Variants in TIPIN observed in about 807,000 individuals in gnomAD.
TIPIN encodes TIMELESS interacting protein.
A neutral mutation model predicts 35.6 loss-of-function variants in TIPIN; 29 were observed. The ratio of observed to expected loss-of-function variants is 0.82; its 90% CI spans 0.61 to 1.11. The LOEUF (loss-of-function observed/expected upper bound fraction) is 1.11. TIPIN is among the 50% of genes most tolerant of loss of function. The pLI is 0.00. For synonymous variants in TIPIN, 102 were observed against 121.5 expected (o/e 0.84, Z 1.06); for missense variants, 296 against 345.4 (o/e 0.86, Z 1.13).
At position 66,337,200 on chromosome 15, in the gene TIPIN, T is replaced by C. The variant is rs778580628; in HGVS notation, c.683-19A>G. On this transcript the variant is annotated intron_variant, in intron 7 of 7. Transcript: ENST00000261881. ...AACATATCTGAAAGAAATCATACCA[T>C]TATTATTCATTATAAGTACCTGATC... is the stretch of plus-strand genomic sequence containing the variant. 6.3e-7 allele frequency: 1 copy of C among 1,595,928 alleles called. No homozygotes were observed. Among genetic ancestry groups the C allele is most frequent in the Non-Finnish European group, 8.6e-7 (1 of 1,166,248 alleles).
At chr15:66,354,944 C>CA (rs753069972) in intron 1 of TIPIN, among the ~76,000 whole-genome samples, 1 of 151,052 alleles carries the variant, frequency 6.6e-6, no homozygotes, top group African/African-American at 2.4e-5. Context: ...GACTGTAGCT[C>CA]AAAAAGGGCA....
At chr15:66,337,781 A>AAAAAAAAAAAAAT (rs1566969375) in intron 7 of TIPIN, among the ~76,000 whole-genome samples, 2 of 62,848 alleles carry the variant, frequency 3.2e-5, no homozygotes, top group Non-Finnish European at 8.5e-5. Flanking sequence ...AAAATAAAAT[A>AAAAAAAAAAAAAT]AAAAAAAAAA....
At chr15:66,377,865 G>A (rs1341519051) in intron 1 of TIPIN, among the ~76,000 whole-genome samples, 1 of 148,348 alleles carries the variant, frequency 6.7e-6, no homozygotes, top group Non-Finnish European at 1.5e-5. Context: ...TTTTTTTCTT[G>A]AGACGGAGTC....
chr15:66,376,948 A>G (rs1475693417), intron 1 of TIPIN, among the ~76,000 whole-genome samples: 1 of 151,470 alleles, frequency 6.6e-6, no homozygotes, highest in Non-Finnish European at 1.5e-5. Flanking sequence ...ATCTCTACTA[A>G]CATACAAAAA....
chr15:66,341,414 TC>T, intron 6 of TIPIN, 58 bp from the exon 7 acceptor site: 2 of 1,473,268 alleles, frequency 1.4e-6, no homozygotes, highest in East Asian at 4.8e-5. Flanking sequence ...GAAGGGCTTC[TC>T]ATTGAAAAAG....
At chr15:66,376,127 C>A (rs1566986816) in intron 1 of TIPIN, among the ~76,000 whole-genome samples, 1 of 151,778 alleles carries the variant, frequency 6.6e-6, no homozygotes, top group Non-Finnish European at 1.5e-5. Flanking sequence ...CAAATATATC[C>A]TTTTTTTTGT....
At chr15:66,371,138 G>A in intron 1 of TIPIN, 1 of 694,794 alleles carries the variant, frequency 1.4e-6, no homozygotes, top group Non-Finnish European at 1.8e-6. Flanking sequence ...TTGAGCCCAG[G>A]AGGCAGAGGT....
upstream of TIPIN, among the ~76,000 whole-genome samples, chr15:66,358,771 C>T (rs1456762799): frequency 6.6e-6 from 1 of 152,074 alleles, no homozygotes; most frequent in Non-Finnish European, 1.5e-5. Flanking sequence ...AAGCCAGGTG[C>T]AGTGGCTCAC....
At chr15:66,342,522 C>T (rs1050154955) in intron 6 of TIPIN, among the ~76,000 whole-genome samples, 3 of 152,034 alleles carry the variant, frequency 2.0e-5, no homozygotes, top group Admixed American at 6.6e-5. Context: ...CGCCACCATG[C>T]CCAGCTAATT....
In TIPIN at chr15:66,347,377, C is replaced by T. The variant is rs199791828; in HGVS notation, c.475+1683G>A. ...ACTAAAGTCCTATATCCGAGAGCTG[C>T]GCTCCAAGTGAAATGCAAACTTTCA... On this transcript the variant is annotated intron_variant, in intron 6 of 7. Transcript: ENST00000261881. 2.4e-3 allele frequency: 1,073 copies of T among 456,224 alleles called. 3 individuals carry two copies. The highest frequency in any genetic ancestry group is 3.9e-3 in the Admixed American group (157 of 40,524). 28.3% of individuals were successfully genotyped at this position (456,224 alleles called of 1,614,324 possible). A position where few individuals can be genotyped will look rare whatever the true frequency, so the allele number is the denominator to read the frequency against.
rs376600873 is a variant in TIPIN at position 66,352,809 on chromosome 15, A to G, written c.133+6T>C. On this transcript the variant is annotated splice_donor_region_variant and intron_variant, in intron 2 of 7. Coordinates refer to ENST00000261881, the MANE Select transcript of TIPIN (RefSeq NM_017858.3). The stretch of plus-strand genomic sequence containing the variant: ...CAGCCTCCTTTTTAAAACTCTCTAT[A>G]CATACCTTCATCAGGCTCAGTTCCT... 257 of 1,610,518 alleles carry G rather than the reference A, an allele frequency of 1.6e-4. 1 individual carries two copies. The highest frequency in any genetic ancestry group is 1.9e-4 in the Non-Finnish European group (227 of 1,179,156).
chr15:66,382,388 T>C, intron 1 of TIPIN: 2 of 985,002 alleles, frequency 2.0e-6, no homozygotes, highest in Non-Finnish European at 2.4e-6. Flanking sequence ...TCTTGATATG[T>C]TTTCATCACT....
chr15:66,340,217 G>C (rs1340341767), intron 7 of TIPIN, among the ~76,000 whole-genome samples: 3 of 74,902 alleles, frequency 4.0e-5, no homozygotes, highest in African/African-American at 5.8e-5. Context: ...TGCTCTTGTT[G>C]CCCAGGCTGG....
chr15:66,360,449 G>A (rs2140477555), upstream of TIPIN, among the ~76,000 whole-genome samples: 1 of 140,560 alleles, frequency 7.1e-6, no homozygotes, highest in Admixed American at 7.5e-5. Flanking sequence ...CTACAAAAAA[G>A]CAGGAAAAGA....
chr15:66,380,476 T>A (rs1298883356), intron 1 of TIPIN, among the ~76,000 whole-genome samples: 2 of 152,120 alleles, frequency 1.3e-5, no homozygotes, highest in African/African-American at 4.8e-5. Context: ...CATTTGCCTT[T>A]GGGTGTTGAT....
intron 1 of TIPIN, among the ~76,000 whole-genome samples, chr15:66,378,743 A>ATT (rs138832748): frequency 1.5e-4 from 22 of 146,152 alleles, no homozygotes; most frequent in Non-Finnish European, 2.3e-4. Flanking sequence ...TTTCTTCCAT[A>ATT]TTTTTTTTTT....
intron 7 of TIPIN, among the ~76,000 whole-genome samples, chr15:66,339,873 C>T (rs1193363705): frequency 2.7e-5 from 4 of 150,866 alleles, no homozygotes; most frequent in East Asian, 3.9e-4. Context: ...CAAGAAAAAG[C>T]ATTTTTTTTT....
intron 1 of TIPIN, among the ~76,000 whole-genome samples, chr15:66,366,545 AG>A (rs2093255027): frequency 6.8e-6 from 1 of 147,556 alleles, no homozygotes; most frequent in Non-Finnish European, 1.5e-5. Context: ...CGAGGTCAGG[AG>A]ATCGAGATTA....
intron 1 of TIPIN, chr15:66,382,941 G>A (rs777171938): frequency 4.2e-5 from 41 of 985,158 alleles, no homozygotes; most frequent in Non-Finnish European, 4.7e-5. Flanking sequence ...GATCACTGCC[G>A]GTCTGAAAAG....
Sources: gnomAD v4.1 joint callset for allele counts (sites outside exome capture counted in the v4.1 genomes callset) on GRCh38, gnomAD v4.1.1 for gene constraint, MANE v1.5 for transcripts, NCBI Gene and HGNC (gene_info 2026-07-23, HGNC 2026-07-21) for gene names.